ANO5: variants seen among roughly 807,000 people sequenced by gnomAD.
The protein encoded by ANO5 is anoctamin-5.
A neutral mutation model predicts 121.0 loss-of-function variants in ANO5; 109 were observed. The observed-to-expected ratio is 0.90, with a 90% confidence interval of 0.77 to 1.06. The LOEUF (loss-of-function observed/expected upper bound fraction) is 1.06. Ranked by LOEUF, ANO5 falls within the 50% of genes least tolerant of loss-of-function variation. The pLI, the probability that ANO5 is intolerant of heterozygous loss-of-function variation, is 0.00. For synonymous variants in ANO5, 406 were observed against 359.9 expected (o/e 1.13, Z -1.45); for missense variants, 1,064 against 1,078.5 (o/e 0.99, Z 0.19).
intron 12 of ANO5, among the ~76,000 whole-genome samples, chr11:22,254,892 T>G (rs1204843422): frequency 6.6e-6 from 1 of 151,882 alleles, no homozygotes; most frequent in Non-Finnish European, 1.5e-5. Context: ...AGCTGAAGTT[T>G]TGTGTGTATA....
At chr11:22,252,632 T>C (rs1853865713) in intron 12 of ANO5, among the ~76,000 whole-genome samples, 1 of 152,216 alleles carries the variant, frequency 6.6e-6, no homozygotes, top group Non-Finnish European at 1.5e-5. Flanking sequence ...TTTTTCAGTT[T>C]GTAATTTACA....
chr11:22,224,736 C>T (rs1486501885), intron 5 of ANO5, among the ~76,000 whole-genome samples: 1 of 152,038 alleles, frequency 6.6e-6, no homozygotes, highest in Non-Finnish European at 1.5e-5. Flanking sequence ...AGCCAAAAAG[C>T]TTCTGCACAG....
In ANO5 at chr11:22,227,514, C is replaced by T; in HGVS notation, c.576C>T (p.Ser192=). The T allele has an allele frequency of 6.2e-7, 1 of 1,613,560 alleles. No individual in the cohort carries two copies. The highest frequency in any genetic ancestry group is 8.5e-7 in the Non-Finnish European group (1 of 1,179,724). The change falls in exon 7 of 22, where the codon AGC becomes AGT. Residue 192 remains serine, a synonymous_variant. Coordinates refer to ENST00000324559, the MANE Select transcript of ANO5 (RefSeq NM_213599.3). ...PHPEYFTAQF[S]RHRQELFLIE... is the part of the protein sequence containing the mutation. ...CTGAATATTTTACTGCACAATTCAG[C>T]AGACATCGGCAGGAGCTCTTCCTCA...
intron 9 of ANO5, among the ~76,000 whole-genome samples, chr11:22,249,776 C>T (rs1281969044): frequency 1.3e-5 from 2 of 151,972 alleles, no homozygotes; most frequent in Admixed American, 6.6e-5. Flanking sequence ...ATCTACAATG[C>T]GGTCAGAGAA....
chr11:22,252,029 C>CAAAAAAAAAAAAAAAAAAAAAAAAAAAAA (rs10525160), intron 12 of ANO5, among the ~76,000 whole-genome samples: 1 of 45,820 alleles, frequency 2.2e-5, no homozygotes, highest in African/African-American at 6.7e-5. Flanking sequence ...GACGCCGTCT[C>CAAAAAAAAAAAAAAAAAAAAAAAAAAAAA]AAAAAAAAAA....
rs1468773321 is a variant in ANO5, at chr11:22,263,029, A to G, written c.1884A>G (p.Lys628=). 2 of 1,611,206 alleles carry G rather than the reference A, an allele frequency of 1.2e-6. No individual in the cohort carries two copies. Among genetic ancestry groups the G allele is most frequent in the Non-Finnish European group, 1.7e-6 (2 of 1,177,694 alleles). ...GGAAACAGATTTTTGGAAACATTAA[A>G]GAAGCCATTTATCCGTATGTATGAC... ...MTGKQIFGNI[K]EAIYPLALNW... Residue 628 remains lysine, a synonymous_variant, in exon 17 of 22, where the codon AAA becomes AAG. Coordinates refer to ENST00000324559, the MANE Select transcript of ANO5 (RefSeq NM_213599.3).
At chr11:22,230,827 C>T (rs796519158) in intron 7 of ANO5, among the ~76,000 whole-genome samples, 16 of 152,126 alleles carry the variant, frequency 1.1e-4, no homozygotes, top group South Asian at 6.2e-4. Context: ...CCATGTTCAA[C>T]CCATCACTAG....
rs772279212 is a variant in ANO5 at position 22,279,734 on chromosome 11, A to T, written c.2711A>T (p.Asn904Ile). 69 of 1,612,620 alleles carry T rather than the reference A, an allele frequency of 4.3e-5. 1 individual carries two copies. The highest frequency in any genetic ancestry group is 5.4e-5 in the Non-Finnish European group (64 of 1,179,124). ...EFAKHVMIEE[N>I]KAQLAKSTL ...GCCAAGCATGTCATGATTGAGGAAA[A>T]CAAAGCACAGCTGGCTAAATCAACA... Residue 904 changes from asparagine to isoleucine, a missense_variant, in exon 22 of 22, where the codon AAC becomes ATC. Asn to Ile is a moderately radical substitution (Grantham distance 149). Coordinates refer to ENST00000324559, the MANE Select transcript of ANO5 (RefSeq NM_213599.3).
At chr11:22,211,891 CT>C (rs993536433) in intron 3 of ANO5, among the ~76,000 whole-genome samples, 2 of 151,774 alleles carry the variant, frequency 1.3e-5, no homozygotes, top group African/African-American at 4.8e-5. Flanking sequence ...TGATAGTTTG[CT>C]TTTCACTAGA....
At chr11:22,200,497 T>G (rs1347384032) in intron 1 of ANO5, among the ~76,000 whole-genome samples, 1 of 152,184 alleles carries the variant, frequency 6.6e-6, no homozygotes, top group Non-Finnish European at 1.5e-5. Context: ...GTGTTCAGGG[T>G]CAAGATTTTA....
At position 22,281,706 on chromosome 11, in the gene ANO5, C is replaced by T. The variant is rs183334403; in HGVS notation, c.*1941C>T. The T allele has an allele frequency of 9.2e-5, 14 of 151,882 alleles. No homozygotes were observed. The East Asian group carries it at 2.7e-3, about 29-fold the overall frequency. 9.4% of individuals were successfully genotyped at this position (151,882 alleles called of 1,614,324 possible). A position where few individuals can be genotyped will look rare whatever the true frequency, so the allele number is the denominator to read the frequency against. ...TGAATATAAGCTTTAATTTTTAAGG[C>T]TTAAAAGTATTCATAGAGGTAGACT... On this transcript the variant is annotated 3_prime_UTR_variant, in exon 22 of 22. Transcript: ENST00000324559.
At chr11:22,252,822 T>C (rs1014881528) in intron 12 of ANO5, among the ~76,000 whole-genome samples, 1 of 152,186 alleles carries the variant, frequency 6.6e-6, no homozygotes, top group African/African-American at 2.4e-5. Context: ...TATACTTTAA[T>C]ATAATTCAGC....
Position 22,235,932 on chromosome 11 carries a change from G to A in ANO5, c.649-231G>A, listed in dbSNP as rs542433349. Among the ~76,000 whole-genome samples the A allele has an allele frequency of 4.3e-4, 66 of 152,066 alleles. 1 individual carries two copies. ...GGAGAAGCAAAATAAATTATGGTCT[G>A]TTCACCCCTGCACCCCATCAAATGA... On this transcript the variant is annotated intron_variant, in intron 7 of 21. Coordinates refer to ENST00000324559, the MANE Select transcript of ANO5 (RefSeq NM_213599.3).
chr11:22,281,881 G>A lies in ANO5; in HGVS notation c.*2116G>A, dbSNP rs1454863044. The A allele has an allele frequency of 2.0e-5, 3 of 152,002 alleles. No individual in the cohort carries two copies. Among genetic ancestry groups the A allele is most frequent in the African/African-American group, 7.2e-5 (3 of 41,408 alleles). The allele number at this position is 152,002 out of a possible 1,614,324, so 9.4% of individuals were successfully genotyped here. A position where few individuals can be genotyped will look rare whatever the true frequency, so the allele number is the denominator to read the frequency against. On this transcript the variant is annotated 3_prime_UTR_variant, in exon 22 of 22. Coordinates refer to ENST00000324559, the MANE Select transcript of ANO5 (RefSeq NM_213599.3). ...TTAAGATAAGTAAATAATTCCCATGGATTGATAAATATTTTCCTTTTAAAA... is the reference window on the plus strand; with the variant it reads ...TTAAGATAAGTAAATAATTCCCATGAATTGATAAATATTTTCCTTTTAAAA...
At chr11:22,200,949 T>C (rs1851947407) in intron 1 of ANO5, among the ~76,000 whole-genome samples, 1 of 152,122 alleles carries the variant, frequency 6.6e-6, no homozygotes, top group African/African-American at 2.4e-5. Flanking sequence ...TCCACAGGCA[T>C]TGGTTTCAGG....
chr11:22,276,651 G>A lies in ANO5; in HGVS notation c.2520+452G>A, dbSNP rs1854863500. The stretch of plus-strand genomic sequence containing the variant: ...TTAGCGCTGAGTCTCAATGCCAAAT[G>A]TGCCTCACTCCCAAGCTTATGCTCT... On this transcript the variant is annotated intron_variant, in intron 21 of 21. Coordinates refer to ENST00000324559, the MANE Select transcript of ANO5 (RefSeq NM_213599.3). 2.0e-5 allele frequency among the ~76,000 whole-genome samples: 3 copies of A among 151,632 alleles called. No homozygotes were observed. In the South Asian group the frequency reaches 6.2e-4, roughly 31 times the overall value.
In ANO5 at chr11:22,218,283, T is replaced by C. The variant is rs1480521279; in HGVS notation, c.176T>C (p.Leu59Pro). Residue 59 changes from leucine to proline, a missense_variant, in exon 4 of 22, where the codon CTT (leucine) becomes CCT (proline). By Grantham distance (98) the Leu-to-Pro change is moderately conservative. Coordinates refer to ENST00000324559, the MANE Select transcript of ANO5 (RefSeq NM_213599.3). ...TTCAATTTGTTCCTGAGGCGGCGGC[T>C]TATGGTAAAACCAGTGCTGAATGAT... ...KRFNLFLRRR[L>P]MFQKNQQSKD... The C allele has an allele frequency of 6.2e-7, 1 of 1,613,310 alleles. No individual in the cohort carries two copies. Among genetic ancestry groups the C allele is most frequent in the Non-Finnish European group, 8.5e-7 (1 of 1,179,662 alleles).
chr11:22,275,369 T>C (rs1465511707), intron 20 of ANO5, among the ~76,000 whole-genome samples: 1 of 151,750 alleles, frequency 6.6e-6, no homozygotes, highest in Non-Finnish European at 1.5e-5. Context: ...AGCTGTTTCA[T>C]TTGAGACTCC....
intron 3 of ANO5, among the ~76,000 whole-genome samples, chr11:22,214,860 C>T (rs1334824788): frequency 6.6e-6 from 1 of 151,786 alleles, no homozygotes; most frequent in Non-Finnish European, 1.5e-5. Context: ...TCTTGCGGTT[C>T]CTACTGTGAT....
Sources: gnomAD v4.1 joint callset for allele counts (sites outside exome capture counted in the v4.1 genomes callset) on GRCh38, gnomAD v4.1.1 for gene constraint, MANE v1.5 for transcripts, NCBI Gene and HGNC (gene_info 2026-07-23, HGNC 2026-07-21) for gene names.